FHIT: variants seen among roughly 807,000 people sequenced by gnomAD.
FHIT encodes the protein bis(5'-adenosyl)-triphosphatase.
Under a neutral mutation model 17.9 loss-of-function variants are expected in FHIT, and 19 were observed. That is an observed-to-expected ratio of 1.06 (90% CI 0.74 to 1.56). The LOEUF (loss-of-function observed/expected upper bound fraction) is 1.56. FHIT is among the 40% of genes most tolerant of loss of function. The pLI is 0.00. For synonymous variants in FHIT, 81 were observed against 69.7 expected (o/e 1.16, Z -0.81); for missense variants, 248 against 189.2 (o/e 1.31, Z -1.82).
intron 1 of FHIT, among the ~76,000 whole-genome samples, chr3:61,238,095 T>C (rs747218318): frequency 1.3e-5 from 2 of 152,120 alleles, no homozygotes; most frequent in Non-Finnish European, 2.9e-5. Context: ...GCACCAACAA[T>C]TGTCCCTGCC....
At chr3:60,639,926 G>C (rs535332357) in intron 4 of FHIT, among the ~76,000 whole-genome samples, 1 of 152,060 alleles carries the variant, frequency 6.6e-6, no homozygotes, top group African/African-American at 2.4e-5. Flanking sequence ...ACAAAATGTC[G>C]AATAACCATA....
chr3:60,283,361 T>G (rs1559787583), intron 5 of FHIT, among the ~76,000 whole-genome samples: 1 of 152,100 alleles, frequency 6.6e-6, no homozygotes, highest in Non-Finnish European at 1.5e-5. Context: ...TAATATATAT[T>G]AATACATATC....
chr3:60,884,040 A>G (rs1226977855), intron 3 of FHIT, among the ~76,000 whole-genome samples: 1 of 152,230 alleles, frequency 6.6e-6, no homozygotes, highest in Non-Finnish European at 1.5e-5. Context: ...ATTCAGTTTT[A>G]AACTGGGCAA....
At chr3:61,204,972 AC>A (rs1319395856) in intron 1 of FHIT, among the ~76,000 whole-genome samples, 2 of 65,862 alleles carry the variant, frequency 3.0e-5, no homozygotes, top group Non-Finnish European at 5.8e-5. Flanking sequence ...CATCCCACCC[AC>A]CCCCCGCCCC....
intron 5 of FHIT, among the ~76,000 whole-genome samples, chr3:60,478,612 A>T (rs2033460684): frequency 6.6e-6 from 1 of 152,182 alleles, no homozygotes; most frequent in Non-Finnish European, 1.5e-5. Flanking sequence ...CAAGAGCAGC[A>T]GGGTAAGGAT....
At chr3:60,297,561 C>T (rs761466434) in intron 5 of FHIT, among the ~76,000 whole-genome samples, 5 of 143,250 alleles carry the variant, frequency 3.5e-5, no homozygotes, top group Non-Finnish European at 6.0e-5. Context: ...GTATGACTTA[C>T]AAGGAAGTCA....
chr3:59,829,126 C>A (rs1238229005), intron 8 of FHIT, among the ~76,000 whole-genome samples: 1 of 152,122 alleles, frequency 6.6e-6, no homozygotes, highest in Non-Finnish European at 1.5e-5. Context: ...AATAATCACT[C>A]TAGTTTGGCC....
At chr3:60,361,255 G>C (rs1219601879) in intron 5 of FHIT, among the ~76,000 whole-genome samples, 1 of 152,162 alleles carries the variant, frequency 6.6e-6, no homozygotes, top group Non-Finnish European at 1.5e-5. Flanking sequence ...GATGAAACTA[G>C]AAATTCGCTT....
chr3:60,037,146 G>A (rs985619164), intron 5 of FHIT, among the ~76,000 whole-genome samples: 3 of 152,162 alleles, frequency 2.0e-5, no homozygotes, highest in South Asian at 4.1e-4. Flanking sequence ...AACCTCATTC[G>A]TGAATTTATC....
At chr3:60,655,822 T>G (rs1048117852) in intron 4 of FHIT, among the ~76,000 whole-genome samples, 3 of 152,100 alleles carry the variant, frequency 2.0e-5, no homozygotes, top group Non-Finnish European at 4.4e-5. Context: ...AGACAGCAAG[T>G]GTATATTTGG....
At chr3:60,452,984 A>T (rs2031846716) in intron 5 of FHIT, among the ~76,000 whole-genome samples, 1 of 152,222 alleles carries the variant, frequency 6.6e-6, no homozygotes, top group African/African-American at 2.4e-5. Flanking sequence ...ATGATTTGCA[A>T]CAGCAAAGAA....
At chr3:61,140,918 C>T (rs141668283) in intron 2 of FHIT, among the ~76,000 whole-genome samples, 8 of 152,182 alleles carry the variant, frequency 5.3e-5, no homozygotes, top group African/African-American at 1.9e-4. Context: ...TGAATACATA[C>T]GGAATCTGGT....
At chr3:60,563,869 T>C (rs535341800) in intron 4 of FHIT, among the ~76,000 whole-genome samples, 3 of 152,322 alleles carry the variant, frequency 2.0e-5, no homozygotes, top group Admixed American at 1.3e-4. Context: ...CAAGTGCTAA[T>C]ACAGAAGCTG....
chr3:60,899,693 G>C (rs979269787), intron 3 of FHIT, among the ~76,000 whole-genome samples: 1 of 152,154 alleles, frequency 6.6e-6, no homozygotes, highest in Non-Finnish European at 1.5e-5. Flanking sequence ...ATGTGCAAAA[G>C]TGGCTTAACC....
At chr3:60,738,333 C>T (rs1266055265) in intron 4 of FHIT, among the ~76,000 whole-genome samples, 1 of 152,090 alleles carries the variant, frequency 6.6e-6, no homozygotes, top group East Asian at 1.9e-4. Context: ...GTAACTGGCC[C>T]AGCAATGGAA....
In FHIT at chr3:60,810,297, T is replaced by C. The variant is rs569128392; in HGVS notation, c.-18+11622A>G. ...AAGAAAAATACAGAAGGAATAGTCC[T>C]TTAGTCAAAACTGTAAAACAGAACA... On this transcript the variant is annotated intron_variant, in intron 4 of 9. Coordinates refer to ENST00000492590, the MANE Select transcript of FHIT (RefSeq NM_002012.4). Among the ~76,000 whole-genome samples the C allele has an allele frequency of 1.2e-4, 19 of 152,326 alleles. No individual in the cohort carries two copies. The East Asian group carries it at 2.5e-3, about 20-fold the overall frequency.
intron 5 of FHIT, among the ~76,000 whole-genome samples, chr3:60,197,384 A>T (rs1487654727): frequency 6.6e-6 from 1 of 152,238 alleles, no homozygotes; most frequent in Non-Finnish European, 1.5e-5. Flanking sequence ...AATAAAATGT[A>T]AAATTAATTT....
rs17062607 is a variant in FHIT at position 60,247,953 on chromosome 3, C to T, written c.104-233801G>A. Reference sequence around the variant, plus strand: ...GGGAACTACAAGTAATTTTTTAAATCGATAAGCACATGGAGCCTTCGAGGA... The same window carrying T: ...GGGAACTACAAGTAATTTTTTAAATTGATAAGCACATGGAGCCTTCGAGGA... On this transcript the variant is annotated intron_variant, in intron 5 of 9. Coordinates refer to ENST00000492590, the MANE Select transcript of FHIT (RefSeq NM_002012.4). Among the ~76,000 whole-genome samples the T allele has an allele frequency of 5.0e-3, 758 of 152,176 alleles. 4 individuals are homozygous for T. The highest frequency in any genetic ancestry group is 0.017 in the African/African-American group (688 of 41,524).
chr3:60,611,664 G>A (rs1374998368), intron 4 of FHIT, among the ~76,000 whole-genome samples: 4 of 152,050 alleles, frequency 2.6e-5, no homozygotes, highest in African/African-American at 4.8e-5. Flanking sequence ...TCTAACGCTC[G>A]GCTCTATACT....
Sources: allele counts gnomAD v4.1 joint callset (sites outside exome capture counted in the v4.1 genomes callset), GRCh38; gene constraint gnomAD v4.1.1; transcripts MANE v1.5; gene names NCBI Gene and HGNC (gene_info 2026-07-23, HGNC 2026-07-21).